Variants in PLEKHM3 observed in about 807,000 individuals in gnomAD.
PLEKHM3 encodes the protein pleckstrin homology domain containing M3.
PLEKHM3 carries 45 observed loss-of-function variants against 81.8 expected under a neutral mutation model. The observed-to-expected ratio is 0.55, with a 90% CI of 0.43 to 0.71. PLEKHM3 has a LOEUF of 0.71. Among genes scored for constraint, PLEKHM3 ranks in the 30% least tolerant of loss-of-function variants. The pLI is 0.00. For missense variants in PLEKHM3, 788 were observed against 924.3 expected (o/e 0.85, Z 1.91); for synonymous variants, 352 against 356.4 (o/e 0.99, Z 0.14).
At chr2:208,014,410 G>C (rs1190106654) in intron 1 of PLEKHM3, among the ~76,000 whole-genome samples, 1 of 152,190 alleles carries the variant, frequency 6.6e-6, no homozygotes, top group East Asian at 1.9e-4. Flanking sequence ...TTTGGAGGCC[G>C]AGGCGGGCAG....
intron 3 of PLEKHM3, among the ~76,000 whole-genome samples, chr2:207,954,064 G>A (rs1690425218): frequency 6.6e-6 from 1 of 152,152 alleles, no homozygotes; most frequent in South Asian, 2.1e-4. Context: ...GCTCACACCT[G>A]TAATCCCAGT....
chr2:207,866,283 G>A (rs1356252556), intron 6 of PLEKHM3, among the ~76,000 whole-genome samples: 1 of 152,024 alleles, frequency 6.6e-6, no homozygotes, highest in Non-Finnish European at 1.5e-5. Context: ...AGCCTCCCAA[G>A]TGGCTGGGAT....
At chr2:207,945,365 C>T (rs143289653) in intron 4 of PLEKHM3, among the ~76,000 whole-genome samples, 165 of 152,314 alleles carry the variant, frequency 1.1e-3, no homozygotes, top group African/African-American at 3.7e-3. Context: ...TCCTGAAGAG[C>T]CTCCTTGGCT....
At chr2:208,009,519 C>T (rs1326295335) in intron 1 of PLEKHM3, among the ~76,000 whole-genome samples, 1 of 152,188 alleles carries the variant, frequency 6.6e-6, no homozygotes, top group Non-Finnish European at 1.5e-5. Context: ...AGGTATGTCG[C>T]TTGGTATTTC....
chr2:207,829,507 C>T (rs2092272710), intron 7 of PLEKHM3, among the ~76,000 whole-genome samples: 2 of 152,164 alleles, frequency 1.3e-5, no homozygotes, highest in East Asian at 3.8e-4. Flanking sequence ...GAACTCTTGA[C>T]CTCAGGTGAT....
At chr2:207,913,939 AC>A (rs1688895565) in intron 5 of PLEKHM3, among the ~76,000 whole-genome samples, 1 of 151,980 alleles carries the variant, frequency 6.6e-6, no homozygotes, top group Non-Finnish European at 1.5e-5. Context: ...GAAAACACAC[AC>A]ACACACACTC....
chr2:207,984,673 G>A (rs377438635), intron 2 of PLEKHM3, among the ~76,000 whole-genome samples: 1 of 152,168 alleles, frequency 6.6e-6, no homozygotes, highest in Non-Finnish European at 1.5e-5. Flanking sequence ...GAGCCACTGC[G>A]CCTGGGCACA....
intron 2 of PLEKHM3, among the ~76,000 whole-genome samples, chr2:207,979,259 G>A (rs189440644): frequency 1.3e-5 from 2 of 152,278 alleles, no homozygotes; most frequent in East Asian, 3.9e-4. Context: ...ATCCAGTCAG[G>A]CGCAGTGGCT....
intron 2 of PLEKHM3, among the ~76,000 whole-genome samples, chr2:207,996,325 T>C (rs1692121038): frequency 1.3e-5 from 2 of 152,058 alleles, no homozygotes; most frequent in Admixed American, 6.6e-5. Context: ...AAATGCCAAA[T>C]GGTGATGTGA....
At position 207,884,045 on chromosome 2, in the gene PLEKHM3, T is replaced by C. The variant is rs759210048; in HGVS notation, c.1951-22783A>G. ...CAGGCATGGTGGCTCACGCCTGTAA[T>C]CGCAGCACTTTGGGAGGCCGAGGTG... is the stretch of plus-strand genomic sequence containing the variant. On this transcript the variant is annotated intron_variant, in intron 6 of 7. Transcript: ENST00000427836. 7.8e-4 allele frequency among the ~76,000 whole-genome samples: 119 copies of C among 152,258 alleles called. 1 individual carries two copies. The highest frequency in any genetic ancestry group is 6.8e-3 in the Middle Eastern group (2 of 294).
intron 7 of PLEKHM3, among the ~76,000 whole-genome samples, chr2:207,836,219 A>G (rs6736388): frequency 0.66 from 100,405 of 151,308 alleles, 33,831 homozygotes; most frequent in African/African-American, 0.76. Flanking sequence ...AGCTACTTAG[A>G]AGGCTGAGGC....
chr2:207,958,999 G>C (rs1439316636), intron 3 of PLEKHM3, among the ~76,000 whole-genome samples: 2 of 151,974 alleles, frequency 1.3e-5, no homozygotes, highest in African/African-American at 4.8e-5. Context: ...ATTAGAACCC[G>C]AGACAAAAGG....
At chr2:207,847,925 T>C (rs1384209243) in intron 7 of PLEKHM3, among the ~76,000 whole-genome samples, 2 of 152,194 alleles carry the variant, frequency 1.3e-5, no homozygotes, top group Admixed American at 6.5e-5. Flanking sequence ...TTCTCTATTG[T>C]TGAACAGGAT....
In PLEKHM3 at chr2:207,983,119, T is replaced by C. The variant is rs1326284770; in HGVS notation, c.611-5533A>G. On this transcript the variant is annotated intron_variant, in intron 2 of 7. Transcript: ENST00000427836. The stretch of plus-strand genomic sequence containing the variant: ...CAGGCTGGAGTGCAGTGGCATGATC[T>C]CGGCTTACTGCCAGCTCCGCCTCCC... Among the ~76,000 whole-genome samples, 3 of 150,042 alleles carry C rather than the reference T, an allele frequency of 2.0e-5. No individual in the cohort carries two copies. In the Admixed American group the frequency reaches 2.0e-4, roughly 10 times the overall value.
intron 7 of PLEKHM3, among the ~76,000 whole-genome samples, chr2:207,835,152 C>T (rs2092311821): frequency 6.6e-6 from 1 of 151,914 alleles, no homozygotes; most frequent in African/African-American, 2.4e-5. Flanking sequence ...ACCACGTTGG[C>T]CAGGCTAGTC....
chr2:207,998,065 G>A (rs1692177716), intron 2 of PLEKHM3, among the ~76,000 whole-genome samples: 1 of 152,086 alleles, frequency 6.6e-6, no homozygotes. Context: ...GCCTGAGAAT[G>A]GGTGGCCACT....
intron 5 of PLEKHM3, among the ~76,000 whole-genome samples, chr2:207,927,549 G>C (rs1404112854): frequency 1.3e-5 from 2 of 149,768 alleles, no homozygotes; most frequent in Non-Finnish European, 3.0e-5. Context: ...AGTGTGGCTG[G>C]CTGGGTGTGG....
At chr2:207,955,861 C>T (rs1177054298) in intron 3 of PLEKHM3, among the ~76,000 whole-genome samples, 2 of 152,188 alleles carry the variant, frequency 1.3e-5, no homozygotes, top group Non-Finnish European at 2.9e-5. Context: ...TTAGCATCAC[C>T]TCTGAAGATG....
intron 2 of PLEKHM3, among the ~76,000 whole-genome samples, chr2:207,994,411 AG>A (rs1000474215): frequency 2.0e-5 from 3 of 152,196 alleles, no homozygotes; most frequent in African/African-American, 7.2e-5. Context: ...AGTGATGCAG[AG>A]GGAAAAGGGT....
Sources: allele counts gnomAD v4.1 joint callset (sites outside exome capture counted in the v4.1 genomes callset), GRCh38; gene constraint gnomAD v4.1.1; transcripts MANE v1.5; gene names NCBI Gene and HGNC (gene_info 2026-07-23, HGNC 2026-07-21).